The following DYM variants were observed in gnomAD, a reference collection of about 807,000 sequenced individuals.
DYM encodes the protein dymeclin, also known as dyggve-Melchior-Clausen syndrome protein.
DYM carries 78 observed loss-of-function variants against 93.1 expected under a neutral mutation model. That is an observed-to-expected ratio of 0.84 (90% CI 0.70 to 1.01). DYM has a LOEUF of 1.01. Among genes scored for constraint, DYM ranks in the 50% least tolerant of loss-of-function variants. The probability of loss-of-function intolerance (pLI) is 0.00; values close to 1 mark genes in which losing one functional copy is unlikely to be tolerated. For synonymous variants in DYM, 321 were observed against 319.7 expected, an observed-to-expected ratio of 1.00 and a Z score of -0.04; for missense variants, 789 against 845.0, an observed-to-expected ratio of 0.93 and a Z score of 0.82.
At chr18:49,162,471 T>G (rs1173686243) in intron 15 of DYM, among the ~76,000 whole-genome samples, 1 of 152,170 alleles carries the variant, frequency 6.6e-6, no homozygotes, top group African/African-American at 2.4e-5. Context: ...CTAGTTCCCC[T>G]CCTATGCTAA....
At chr18:49,124,011 C>G (rs894623651) in intron 15 of DYM, among the ~76,000 whole-genome samples, 1 of 152,104 alleles carries the variant, frequency 6.6e-6, no homozygotes, top group African/African-American at 2.4e-5. Context: ...ATATATGAAA[C>G]TTATACTTCA....
chr18:49,409,108 AC>A (rs2071879010), intron 2 of DYM, among the ~76,000 whole-genome samples: 1 of 151,788 alleles, frequency 6.6e-6, no homozygotes, highest in African/African-American at 2.4e-5. Flanking sequence ...ACATAGCGAA[AC>A]CCCGTCTCTA....
chr18:49,373,260 G>T (rs932393774), intron 5 of DYM, among the ~76,000 whole-genome samples: 3 of 152,110 alleles, frequency 2.0e-5, no homozygotes, highest in African/African-American at 7.2e-5. Flanking sequence ...CAAAGTGAAA[G>T]CAAGTTTATT....
At chr18:49,097,726 A>C (rs961980611) in intron 16 of DYM, among the ~76,000 whole-genome samples, 3 of 152,122 alleles carry the variant, frequency 2.0e-5, no homozygotes, top group African/African-American at 7.2e-5. Context: ...CTGATTATTC[A>C]TTCTGTGAAT....
At chr18:49,169,959 A>G (rs1360079536) in intron 14 of DYM, among the ~76,000 whole-genome samples, 1 of 152,168 alleles carries the variant, frequency 6.6e-6, no homozygotes. Context: ...TGGAGCGGGA[A>G]AGAAGGGAAT....
At chr18:49,313,340 G>A (rs1428557082) in intron 8 of DYM, among the ~76,000 whole-genome samples, 2 of 151,636 alleles carry the variant, frequency 1.3e-5, no homozygotes, top group African/African-American at 4.8e-5. Context: ...GCGCACACCT[G>A]TAATCCCAGT....
intron 2 of DYM, among the ~76,000 whole-genome samples, chr18:49,394,020 T>C (rs2069726434): frequency 6.6e-6 from 1 of 152,152 alleles, no homozygotes; most frequent in Non-Finnish European, 1.5e-5. Flanking sequence ...GTATAGAGTT[T>C]CAGTTTGCCA....
intron 13 of DYM, among the ~76,000 whole-genome samples, chr18:49,253,024 A>G (rs1157103278): frequency 6.6e-6 from 1 of 152,200 alleles, no homozygotes; most frequent in Non-Finnish European, 1.5e-5. Context: ...AGTATGAGCA[A>G]CAGCCTAGGT....
In DYM at chr18:49,382,446, G is replaced by C. The variant is rs374618431; in HGVS notation, c.194-2688C>G. Among the ~76,000 whole-genome samples, 7 of 152,218 alleles carry C rather than the reference G, an allele frequency of 4.6e-5. No individual in the cohort carries two copies. The East Asian group carries it at 1.4e-3, about 29-fold the overall frequency. On this transcript the variant is annotated intron_variant, in intron 3 of 17. Transcript: ENST00000675505. ...CAATGATTTTAAACAATACTCCATG[G>C]TAGATTCAAGATTCCAAAATATCTC...
At chr18:49,071,926 C>T (rs950085475) in intron 17 of DYM, among the ~76,000 whole-genome samples, 3 of 152,200 alleles carry the variant, frequency 2.0e-5, no homozygotes, top group African/African-American at 7.2e-5. Flanking sequence ...GCAACCACTT[C>T]CACAGCCATA....
chr18:49,387,694 C>T (rs776071232), intron 3 of DYM, among the ~76,000 whole-genome samples: 10 of 152,062 alleles, frequency 6.6e-5, no homozygotes, highest in Admixed American at 1.3e-4. Flanking sequence ...ACATTTAACA[C>T]GTTATTGCAC....
At chr18:49,162,205 A>T (rs2087233909) in intron 15 of DYM, among the ~76,000 whole-genome samples, 1 of 152,184 alleles carries the variant, frequency 6.6e-6, no homozygotes, top group Non-Finnish European at 1.5e-5. Context: ...CTATTCCATC[A>T]GCATCCTCTA....
chr18:49,254,911 G>T (rs976482091), intron 13 of DYM, among the ~76,000 whole-genome samples: 1 of 152,062 alleles, frequency 6.6e-6, no homozygotes. Flanking sequence ...GAAACTAAAG[G>T]CTCTTCAGAA....
chr18:49,421,374 C>G (rs570386714), intron 2 of DYM, among the ~76,000 whole-genome samples: 5 of 152,168 alleles, frequency 3.3e-5, no homozygotes, highest in African/African-American at 1.2e-4. Flanking sequence ...ACTGGTGATA[C>G]CCAGGCAAAC....
chr18:49,081,974 C>T lies in DYM; in HGVS notation c.2025+15428G>A, dbSNP rs1216807467. Among the ~76,000 whole-genome samples the T allele has an allele frequency of 2.6e-5, 4 of 152,216 alleles. No individual in the cohort carries two copies. In the South Asian group the frequency reaches 6.2e-4, roughly 24 times the overall value. ...AGAGTCTCTGCATCTGCTCACTCTT[C>T]GGTATCTTCAGAGCTGGTCTTAGTT... is the stretch of plus-strand genomic sequence containing the variant. On this transcript the variant is annotated intron_variant, in intron 17 of 17. Coordinates refer to ENST00000675505, the MANE Select transcript of DYM (RefSeq NM_001353214.3).
At chr18:49,364,956 C>T (rs1356811979) in intron 5 of DYM, among the ~76,000 whole-genome samples, 1 of 152,150 alleles carries the variant, frequency 6.6e-6, no homozygotes, top group African/African-American at 2.4e-5. Context: ...ATGCCTCTTG[C>T]GTTGCATATG....
At chr18:49,267,609 T>G (rs2094592184) in intron 11 of DYM, among the ~76,000 whole-genome samples, 1 of 152,150 alleles carries the variant, frequency 6.6e-6, no homozygotes, top group South Asian at 2.1e-4. Context: ...AGTATCAATG[T>G]CAGGCTGTGC....
chr18:49,065,361 A>G (rs2076307829), intron 17 of DYM, among the ~76,000 whole-genome samples: 1 of 152,096 alleles, frequency 6.6e-6, no homozygotes, highest in African/African-American at 2.4e-5. Flanking sequence ...CTAGTGAAAC[A>G]GTTAATTTTT....
intron 1 of DYM, among the ~76,000 whole-genome samples, chr18:49,444,004 T>A (rs2081893425): frequency 6.6e-6 from 1 of 152,188 alleles, no homozygotes; most frequent in Non-Finnish European, 1.5e-5. Context: ...TTCAGCACAA[T>A]CTGAAGTAGA....
Sources: gnomAD v4.1 joint callset for allele counts (sites outside exome capture counted in the v4.1 genomes callset) on GRCh38, gnomAD v4.1.1 for gene constraint, MANE v1.5 for transcripts, NCBI Gene and HGNC (gene_info 2026-07-23, HGNC 2026-07-21) for gene names.